The following VCAN variants were observed in gnomAD, a reference collection of about 807,000 sequenced individuals.
VCAN encodes versican, also known as versican core protein.
A neutral mutation model predicts 245.5 loss-of-function variants in VCAN; 44 were observed. That is an observed-to-expected ratio of 0.18 (90% CI 0.14 to 0.23). The LOEUF is 0.23. Among genes scored for constraint, VCAN ranks in the 10% least tolerant of loss-of-function variants. The pLI, the probability that VCAN is intolerant of heterozygous loss-of-function variation, is 1.00. For synonymous variants in VCAN, 1,413 were observed against 1,437.0 expected (o/e 0.98, Z 0.38); for missense variants, 3,793 against 4,057.9 (o/e 0.93, Z 1.77).
intron 6 of VCAN, among the ~76,000 whole-genome samples, chr5:83,517,228 A>G (rs1225136617): frequency 6.6e-6 from 1 of 152,198 alleles, no homozygotes; most frequent in Admixed American, 6.5e-5. Context: ...TTAAAACACT[A>G]TAAACATATT....
In VCAN at chr5:83,538,365, G is replaced by A; in HGVS notation, c.5362G>A (p.Asp1788Asn). 1 of 1,614,050 alleles carries A rather than the reference G, an allele frequency of 6.2e-7. No homozygotes were observed. The highest frequency in any genetic ancestry group is 2.2e-5 in the East Asian group (1 of 44,874). Reference protein sequence around the residue: ...TPTQSEREMTDSTPVFTETNT... With the variant: ...TPTQSEREMTNSTPVFTETNT... The stretch of plus-strand genomic sequence containing the variant: ...AACACAGTCTGAAAGGGAAATGACA[G>A]ATTCTACTCCTGTCTTTACAGAAAC... Residue 1788 changes from aspartate to asparagine, a missense_variant, in exon 8 of 15, where the codon GAT becomes AAT. Asp to Asn is a conservative substitution (Grantham distance 23, BLOSUM62 1). This residue lies in a region of VCAN where 3,182 missense variants were observed against 3,250.3 expected (regional missense o/e 0.98). Coordinates refer to ENST00000265077, the MANE Select transcript of VCAN (RefSeq NM_004385.5).
intron 12 of VCAN, 122 bp downstream of exon 12, chr5:83,555,160 C>T: frequency 1.1e-6 from 1 of 951,692 alleles, no homozygotes; most frequent in South Asian, 1.4e-5. Context: ...CTCAAGGTCA[C>T]TCAGTGAAAC....
Position 83,554,513 on chromosome 5 carries a change from GA to G in VCAN, c.9653-436del, listed in dbSNP as rs532730880. 3.7e-4 allele frequency among the ~76,000 whole-genome samples: 56 copies of G among 151,888 alleles called. No individual in the cohort carries two copies. The South Asian group carries it at 0.012, about 32-fold the overall frequency. ...AGGTGTTCACTAATTAAAATGTTTT[GA>G]AAAAAAGGAACAAGTGGCTTCCAAA... On this transcript the variant is annotated intron_variant, in intron 11 of 14. Coordinates refer to ENST00000265077, the MANE Select transcript of VCAN (RefSeq NM_004385.5).
rs1746887440 is a variant in VCAN at position 83,539,715 on chromosome 5, A to G, written c.6712A>G (p.Lys2238Glu). The G allele has an allele frequency of 4.3e-6, 7 of 1,613,736 alleles. No homozygotes were observed. The highest frequency in any genetic ancestry group is 5.9e-6 in the Non-Finnish European group (7 of 1,179,990). ...KKEESTKHFP[K>E]GMRPTIQESD... ...GGAAGAAAGTACAAAACATTTTCCG[A>G]AAGGCATGAGACCAACAATTCAAGA... The change falls in exon 8 of 15, where the codon AAA becomes GAA. Residue 2238 changes from lysine to glutamate, a missense_variant. Physicochemically the swap from Lys to Glu is moderately conservative, Grantham distance 56 (BLOSUM62 1). This residue lies in a region of VCAN where 3,182 missense variants were observed against 3,250.3 expected (regional missense o/e 0.98). Coordinates refer to ENST00000265077, the MANE Select transcript of VCAN (RefSeq NM_004385.5).
In VCAN at chr5:83,521,711, G is replaced by A. The variant is rs199559408; in HGVS notation, c.3405G>A (p.Gly1135=). ...RIGPKVSLSP[G]PEQKYETEGS... is the part of the protein sequence containing the mutation. ...GGCCAAAAGTATCTTTAAGTCCAGG[G>A]CCTGAACAAAAATATGAAACAGAAG... Residue 1135 remains glycine, a synonymous_variant, in exon 7 of 15, where the codon GGG becomes GGA. Coordinates refer to ENST00000265077, the MANE Select transcript of VCAN (RefSeq NM_004385.5). The A allele has an allele frequency of 1.2e-4, 191 of 1,613,942 alleles. 1 individual carries two copies. The highest frequency in any genetic ancestry group is 1.5e-4 in the Non-Finnish European group (181 of 1,180,012).
At chr5:83,484,863 A>C (rs746446401) in intron 2 of VCAN, among the ~76,000 whole-genome samples, 1 of 152,200 alleles carries the variant, frequency 6.6e-6, no homozygotes, top group Non-Finnish European at 1.5e-5. Flanking sequence ...TGAGATGAGA[A>C]TGATAATGAG....
At position 83,519,782 on chromosome 5, in the gene VCAN, A is replaced by G. The variant is rs760059396; in HGVS notation, c.1476A>G (p.Gln492=). ...QTQESVTQIE[Q]IEVGPLVTSM... ...AAGAATCGGTTACACAGATTGAACA[A>G]ATAGAAGTGGGTCCTTTGGTAACAT... Residue 492 remains glutamine, a synonymous_variant, in exon 7 of 15, where the codon CAA becomes CAG. Coordinates refer to ENST00000265077, the MANE Select transcript of VCAN (RefSeq NM_004385.5). 6.2e-7 allele frequency: 1 copy of G among 1,614,180 alleles called. No individual in the cohort carries two copies. Among genetic ancestry groups the G allele is most frequent in the Non-Finnish European group, 8.5e-7 (1 of 1,179,998 alleles).
chr5:83,512,548 C>G (rs959379895), intron 6 of VCAN, 152 bp downstream of exon 6: 3 of 1,022,198 alleles, frequency 2.9e-6, no homozygotes, highest in African/African-American at 3.2e-5. Context: ...AGCAAGCAAA[C>G]TGAACAGCAG....
At position 83,540,315 on chromosome 5, in the gene VCAN, A is replaced by G. The variant is rs1398901810; in HGVS notation, c.7312A>G (p.Ile2438Val). 3.1e-6 allele frequency: 5 copies of G among 1,614,008 alleles called. No individual in the cohort carries two copies. The highest frequency in any genetic ancestry group is 2.2e-5 in the South Asian group (2 of 91,090). The change falls in exon 8 of 15, where the codon ATT becomes GTT. Residue 2438 changes from isoleucine to valine, a missense_variant. Physicochemically the swap from Ile to Val is conservative, Grantham distance 29 (BLOSUM62 3). Transcript: ENST00000265077. The stretch of plus-strand genomic sequence containing the variant: ...TGGAGAAGGATCTGGAGAAGTGGAT[A>G]TTGTTGATTCATTTCACACTTCTGC... ...PSGEGSGEVD[I>V]VDSFHTSATT...
intron 5 of VCAN, among the ~76,000 whole-genome samples, chr5:83,496,642 G>A (rs1745168940): frequency 6.6e-6 from 1 of 152,036 alleles, no homozygotes; most frequent in Non-Finnish European, 1.5e-5. Flanking sequence ...TTTCCTCCTT[G>A]TTTATTGGCT....
In VCAN at chr5:83,538,922, A is replaced by G. The variant is rs1746842524; in HGVS notation, c.5919A>G (p.Thr1973=). 1.2e-6 allele frequency: 2 copies of G among 1,614,050 alleles called. No individual in the cohort carries two copies. The highest frequency in any genetic ancestry group is 1.7e-6 in the Non-Finnish European group (2 of 1,179,962). Residue 1973 remains threonine (T), a synonymous_variant, in exon 8 of 15, where the codon ACA becomes ACG. Coordinates refer to ENST00000265077, the MANE Select transcript of VCAN (RefSeq NM_004385.5). ...GGGACACCCAGACTTCACCATCTAC[A>G]GTACCTACTTCAGTTCACATCAGTC... The part of the protein sequence containing the change: ...AFRDTQTSPS[T]VPTSVHISHI...
At chr5:83,562,187 G>A (rs1402807434) in intron 12 of VCAN, 1 of 152,070 alleles carries the variant, frequency 6.6e-6, no homozygotes, top group Non-Finnish European at 1.5e-5. Flanking sequence ...AGGCTTTATT[G>A]TATTAATCCA....
chr5:83,521,111 G>GC lies in VCAN; in HGVS notation c.2807dup (p.Val937SerfsTer20). 6.2e-7 allele frequency: 1 copy of GC among 1,614,128 alleles called. No individual in the cohort carries two copies. Among genetic ancestry groups the GC allele is most frequent in the South Asian group, 1.1e-5 (1 of 91,082 alleles). ...AAGTAGAAGATGTGGACCTCTCTAA[G>GC]CCAGTATCTACTGTTCCCCAATTTG... On this transcript the variant is annotated frameshift_variant, in exon 7 of 15. Coordinates refer to ENST00000265077, the MANE Select transcript of VCAN (RefSeq NM_004385.5). LOFTEE classifies it high-confidence loss of function.
intron 5 of VCAN, among the ~76,000 whole-genome samples, chr5:83,494,705 C>G (rs1745104269): frequency 6.6e-6 from 1 of 152,204 alleles, no homozygotes; most frequent in Non-Finnish European, 1.5e-5. Flanking sequence ...GTAGTCCCAG[C>G]ACTTTGGGAG....
At chr5:83,527,444 C>T (rs184935611) in intron 7 of VCAN, among the ~76,000 whole-genome samples, 12 of 152,296 alleles carry the variant, frequency 7.9e-5, no homozygotes, top group African/African-American at 2.2e-4. Context: ...CCATCTCTCA[C>T]GGACTGTCCC....
At chr5:83,545,742 A>T in intron 9 of VCAN, 92 bp downstream of exon 9, 2 of 1,023,732 alleles carry the variant, frequency 2.0e-6, no homozygotes, top group Non-Finnish European at 3.1e-6. Context: ...GAGATTTCAA[A>T]GAAACCCATA....
chr5:83,581,777 T>C lies in VCAN; in HGVS notation c.*1343T>C, dbSNP rs1748685437. On this transcript the variant is annotated 3_prime_UTR_variant, in exon 15 of 15. Coordinates refer to ENST00000265077, the MANE Select transcript of VCAN (RefSeq NM_004385.5). ...CTCTTCCCACTCTGTTTTCTCCCCA[T>C]TATTTGAATAAAGTGACTGCTGAAG... The C allele has an allele frequency of 6.6e-6, 1 of 152,202 alleles. No individual in the cohort carries two copies. Among genetic ancestry groups the C allele is most frequent in the Non-Finnish European group, 1.5e-5 (1 of 68,024 alleles). The allele number at this position is 152,202 out of a possible 1,614,324, so 9.4% of individuals were successfully genotyped here.
Position 83,512,222 on chromosome 5 carries a change from G to A in VCAN, c.868G>A (p.Gly290Ser), listed in dbSNP as rs764098299. ...VGELQAAWRN[G>S]FDQCDYGWLS... ...GGAACTCCAGGCGGCATGGAGGAAC[G>A]GCTTTGACCAGTGCGATTACGGGTG... The change falls in exon 6 of 15, where the codon GGC becomes AGC. Residue 290 changes from glycine to serine, a missense_variant. Around this residue, in one of 5 missense-constraint regions of VCAN, gnomAD observed 190 missense variants for 288.6 expected, o/e 0.66. Transcript: ENST00000265077. 8 of 1,614,164 alleles carry A rather than the reference G, an allele frequency of 5.0e-6. No individual in the cohort carries two copies. The South Asian group carries it at 5.5e-5, about 11-fold the overall frequency.
intron 1 of VCAN, 65 bp downstream of exon 1, chr5:83,472,088 G>A (rs1431817066): frequency 4.0e-6 from 1 of 247,284 alleles, no homozygotes; most frequent in African/African-American, 2.2e-5. Flanking sequence ...AAAAAAACCC[G>A]CGAGCTTAGA....
Sources: gnomAD v4.1 joint callset for allele counts (sites outside exome capture counted in the v4.1 genomes callset) on GRCh38, gnomAD v4.1.1 for gene constraint, gnomAD v4.1.1 regional missense constraint, MANE v1.5 for transcripts, NCBI Gene and HGNC (gene_info 2026-07-23, HGNC 2026-07-21) for gene names.